The following MACROD2 variants were observed in gnomAD, a reference collection of about 807,000 sequenced individuals.
The protein encoded by MACROD2 is ADP-ribose glycohydrolase MACROD2.
Under a neutral mutation model 70.4 loss-of-function variants are expected in MACROD2, and 36 were observed. The ratio of observed to expected loss-of-function variants is 0.51; its 90% CI spans 0.39 to 0.68. MACROD2 has a LOEUF of 0.68. Among genes scored for constraint, MACROD2 ranks in the 30% least tolerant of loss-of-function variants. The probability of loss-of-function intolerance (pLI) is 0.00; values close to 1 mark genes in which losing one functional copy is unlikely to be tolerated. For missense variants in MACROD2, 496 were observed against 538.4 expected (o/e 0.92, Z 0.78); for synonymous variants, 172 against 178.8 (o/e 0.96, Z 0.30).
chr20:14,466,939 C>G (rs548734182), intron 3 of MACROD2, among the ~76,000 whole-genome samples: 1 of 152,252 alleles, frequency 6.6e-6, no homozygotes, highest in African/African-American at 2.4e-5. Context: ...TGTCAGTCCG[C>G]CCCTACTCGG....
intron 5 of MACROD2, among the ~76,000 whole-genome samples, chr20:15,151,821 G>A (rs924802358): frequency 1.8e-4 from 27 of 151,998 alleles, no homozygotes; most frequent in South Asian, 2.1e-4. Context: ...AAGCTGGACC[G>A]GGTGTGAGGA....
intron 5 of MACROD2, among the ~76,000 whole-genome samples, chr20:14,941,924 C>G (rs1269129723): frequency 6.6e-6 from 1 of 151,472 alleles, no homozygotes; most frequent in East Asian, 1.9e-4. Flanking sequence ...TTTGGGACCA[C>G]TGACGTGTGC....
chr20:15,231,886 C>T (rs1377656015), intron 6 of MACROD2, among the ~76,000 whole-genome samples: 1 of 151,904 alleles, frequency 6.6e-6, no homozygotes, highest in Admixed American at 6.6e-5. Flanking sequence ...GCAGGTAAGG[C>T]TGAACTGAAT....
chr20:14,417,043 CTAT>C (rs2083813872), intron 3 of MACROD2, among the ~76,000 whole-genome samples: 1 of 131,874 alleles, frequency 7.6e-6, no homozygotes, highest in East Asian at 2.8e-4. Context: ...ATATATCTAT[CTAT>C]TATCTATCTA....
chr20:16,012,450 A>G (rs1293446766), intron 15 of MACROD2, among the ~76,000 whole-genome samples: 1 of 152,182 alleles, frequency 6.6e-6, no homozygotes, highest in Non-Finnish European at 1.5e-5. Context: ...TGGGAAGGGA[A>G]GCAGTCATCA....
At chr20:15,450,035 A>C (rs1331815355) in intron 7 of MACROD2, among the ~76,000 whole-genome samples, 2 of 152,088 alleles carry the variant, frequency 1.3e-5, no homozygotes, top group East Asian at 3.8e-4. Context: ...AAACACACAC[A>C]ACAGATATTA....
At chr20:14,447,434 G>A (rs958631287) in intron 3 of MACROD2, among the ~76,000 whole-genome samples, 1 of 152,122 alleles carries the variant, frequency 6.6e-6, no homozygotes, top group South Asian at 2.1e-4. Context: ...TTGGAAAATA[G>A]CATCTGCTGT....
At chr20:15,958,704 T>C (rs912431993) in intron 12 of MACROD2, among the ~76,000 whole-genome samples, 3 of 152,174 alleles carry the variant, frequency 2.0e-5, no homozygotes, top group African/African-American at 4.8e-5. Flanking sequence ...CAAATTCATA[T>C]GTTGAAGCCC....
intron 5 of MACROD2, among the ~76,000 whole-genome samples, chr20:14,931,823 C>A (rs1034888512): frequency 1.6e-5 from 2 of 126,322 alleles, no homozygotes; most frequent in Admixed American, 8.5e-5. Flanking sequence ...CATAACAAGA[C>A]CCCCATCTCT....
intron 5 of MACROD2, among the ~76,000 whole-genome samples, chr20:14,730,198 C>T (rs1305715514): frequency 6.6e-6 from 1 of 151,954 alleles, no homozygotes; most frequent in East Asian, 1.9e-4. Flanking sequence ...ATAGAGAAAG[C>T]GGAGGACACT....
intron 8 of MACROD2, among the ~76,000 whole-genome samples, chr20:15,681,140 G>C (rs1163201821): frequency 6.6e-6 from 1 of 152,168 alleles, no homozygotes; most frequent in African/African-American, 2.4e-5. Flanking sequence ...GTGTACACTT[G>C]GGTCTTGTAC....
intron 5 of MACROD2, among the ~76,000 whole-genome samples, chr20:14,717,066 T>G (rs751820564): frequency 1.3e-5 from 2 of 152,110 alleles, no homozygotes; most frequent in Non-Finnish European, 2.9e-5. Context: ...TTAGAACCAA[T>G]CACTAAAAAT....
intron 3 of MACROD2, among the ~76,000 whole-genome samples, chr20:14,383,844 T>G (rs2083446320): frequency 2.0e-5 from 3 of 152,142 alleles, no homozygotes; most frequent in Admixed American, 1.3e-4. Context: ...TTCATTAAGT[T>G]CAATTAAGTT....
chr20:14,608,188 G>A (rs1046524660), intron 4 of MACROD2, among the ~76,000 whole-genome samples: 3 of 152,058 alleles, frequency 2.0e-5, no homozygotes, highest in African/African-American at 4.8e-5. Flanking sequence ...CCTGGAGCAC[G>A]GAGGTTGTAG....
intron 5 of MACROD2, among the ~76,000 whole-genome samples, chr20:15,107,350 A>T (rs2075918825): frequency 6.6e-6 from 1 of 151,996 alleles, no homozygotes; most frequent in Non-Finnish European, 1.5e-5. Context: ...GCTGACACAT[A>T]ACCAATTAAT....
chr20:15,357,876 A>G (rs1488669837), intron 6 of MACROD2, among the ~76,000 whole-genome samples: 2 of 147,050 alleles, frequency 1.4e-5, no homozygotes, highest in Non-Finnish European at 3.0e-5. Flanking sequence ...GCGCGATCTC[A>G]GCTTACTGCA....
intron 5 of MACROD2, among the ~76,000 whole-genome samples, chr20:15,066,742 C>T (rs774828995): frequency 1.3e-5 from 2 of 151,818 alleles, no homozygotes; most frequent in East Asian, 2.0e-4. Context: ...ATTATGCAGG[C>T]GTGGTGGTGG....
chr20:14,397,081 G>T (rs544912942), intron 3 of MACROD2, among the ~76,000 whole-genome samples: 1 of 139,120 alleles, frequency 7.2e-6, no homozygotes, highest in Non-Finnish European at 1.5e-5. Context: ...TGCAAGCTCC[G>T]CCTTCTGGGT....
At chr20:14,309,595 T>A (rs923589440) in intron 3 of MACROD2, among the ~76,000 whole-genome samples, 11 of 152,276 alleles carry the variant, frequency 7.2e-5, no homozygotes, top group African/African-American at 2.6e-4. Flanking sequence ...AATATTTGAA[T>A]AGCTATAATG....
Sources: allele counts gnomAD v4.1 joint callset (sites outside exome capture counted in the v4.1 genomes callset), GRCh38; gene constraint gnomAD v4.1.1; transcripts MANE v1.5; gene names NCBI Gene and HGNC (gene_info 2026-07-23, HGNC 2026-07-21).